The following UST variants were observed in gnomAD, a reference collection of about 807,000 sequenced individuals.
UST encodes chondroitin sulfate 2-O-sulfotransferase.
In UST, 21 loss-of-function variants were observed where a neutral mutation model predicts 45.6. The observed-to-expected ratio is 0.46, with a 90% confidence interval of 0.33 to 0.66. The LOEUF (loss-of-function observed/expected upper bound fraction) is 0.66, where lower values mean the gene tolerates loss of function less well. UST is among the 30% of genes least tolerant of loss of function. The pLI is 0.02. For synonymous variants in UST, 215 were observed against 200.6 expected (o/e 1.07, Z -0.61); for missense variants, 463 against 512.4 (o/e 0.90, Z 0.93).
At chr6:149,011,550 A>G (rs1308702025) in intron 5 of UST, among the ~76,000 whole-genome samples, 1 of 152,206 alleles carries the variant, frequency 6.6e-6, no homozygotes, top group Non-Finnish European at 1.5e-5. Flanking sequence ...GACAATTCCA[A>G]AGACATTTCT....
chr6:149,072,185 A>G (rs971968809), intron 7 of UST, among the ~76,000 whole-genome samples: 4 of 152,230 alleles, frequency 2.6e-5, no homozygotes, highest in African/African-American at 7.2e-5. Flanking sequence ...TGACCCAGCA[A>G]TTCTGCTCCT....
chr6:148,757,516 A>G (rs1423816328), intron 1 of UST, among the ~76,000 whole-genome samples: 2 of 152,246 alleles, frequency 1.3e-5, no homozygotes, highest in Non-Finnish European at 2.9e-5. Context: ...AGTTTAACCT[A>G]GAACTGCAAC....
At chr6:148,826,321 C>T (rs925796901) in intron 1 of UST, among the ~76,000 whole-genome samples, 2 of 152,166 alleles carry the variant, frequency 1.3e-5, no homozygotes, top group African/African-American at 4.8e-5. Flanking sequence ...CCATGTTGGC[C>T]AGGCTGGTCT....
chr6:148,871,145 TCCCTCTCTCC>T (rs778115224), intron 1 of UST, among the ~76,000 whole-genome samples: 5 of 135,106 alleles, frequency 3.7e-5, no homozygotes, highest in African/African-American at 1.1e-4. Context: ...TCTCTCTCTC[TCCCTCTCTCC>T]CTCTCTCTCT....
chr6:148,995,363 C>A (rs182747734), intron 5 of UST, among the ~76,000 whole-genome samples: 2 of 152,282 alleles, frequency 1.3e-5, no homozygotes, highest in Admixed American at 1.3e-4. Context: ...ACCTGATGCT[C>A]AAAAAGATGG....
chr6:149,029,468 T>TATATATAATGTATATATA (rs1428067579), intron 7 of UST, among the ~76,000 whole-genome samples: 2 of 143,866 alleles, frequency 1.4e-5, no homozygotes, highest in Non-Finnish European at 1.5e-5. Context: ...TTATATATTA[T>TATATATAATGTATATATA]ATATATAATG....
intron 5 of UST, among the ~76,000 whole-genome samples, chr6:148,975,306 A>G (rs933061093): frequency 9.2e-5 from 14 of 152,368 alleles, no homozygotes; most frequent in Middle Eastern, 3.4e-3. Flanking sequence ...TGATAATAGA[A>G]TATCATCTTG....
At chr6:148,760,736 C>CA (rs773945433) in intron 1 of UST, among the ~76,000 whole-genome samples, 92 of 149,278 alleles carry the variant, frequency 6.2e-4, no homozygotes, top group Middle Eastern at 6.9e-3. Flanking sequence ...CAAAACAAAA[C>CA]AAAAAAAAAC....
intron 1 of UST, among the ~76,000 whole-genome samples, chr6:148,861,197 A>G (rs1778305094): frequency 3.9e-5 from 6 of 152,260 alleles, no homozygotes; most frequent in Admixed American, 2.6e-4. Context: ...CTATTCAGGG[A>G]TTCAGCTTCT....
intron 7 of UST, among the ~76,000 whole-genome samples, chr6:149,064,592 C>A (rs1198262717): frequency 3.9e-5 from 6 of 152,102 alleles, no homozygotes; most frequent in Non-Finnish European, 8.8e-5. Context: ...TTGGGCACAC[C>A]AGTGAGGCCT....
chr6:148,854,259 G>C (rs1336045172), intron 1 of UST, among the ~76,000 whole-genome samples: 1 of 152,160 alleles, frequency 6.6e-6, no homozygotes, highest in Admixed American at 6.5e-5. Context: ...GTAGGATCTT[G>C]GAATTGGGGC....
Position 148,747,734 on chromosome 6 carries a change from GGA to G in UST, c.247+61_247+62del, listed in dbSNP as rs1775900285. On this transcript the variant is annotated intron_variant, in intron 1 of 7. Transcript: ENST00000367463. ...CCGACAGCGCAAAGTTGTGCGGCGG[GGA>G]GAGGGTCGCGGCGGGGACTTCTCGC... is the stretch of plus-strand genomic sequence containing the variant. 37 of 1,494,798 alleles carry G rather than the reference GGA, an allele frequency of 2.5e-5. No individual in the cohort carries two copies. The South Asian group carries it at 4.8e-4, about 19-fold the overall frequency. The allele number at this position is 1,494,798 out of a possible 1,614,324, so 92.6% of individuals were successfully genotyped here.
chr6:148,763,227 T>C (rs1776254115), intron 1 of UST, among the ~76,000 whole-genome samples: 1 of 152,220 alleles, frequency 6.6e-6, no homozygotes, highest in African/African-American at 2.4e-5. Context: ...CTCATTGTGG[T>C]TTTAATTTGC....
intron 7 of UST, among the ~76,000 whole-genome samples, chr6:149,027,259 A>G (rs529572764): frequency 6.6e-6 from 1 of 152,344 alleles, no homozygotes; most frequent in South Asian, 2.1e-4. Flanking sequence ...TAATCCATCA[A>G]TAAAAATATC....
In UST at chr6:148,790,784, C is replaced by T. The variant is rs576035129; in HGVS notation, c.247+43107C>T. Among the ~76,000 whole-genome samples, 1 of 152,326 alleles carries T rather than the reference C, an allele frequency of 6.6e-6. No homozygotes were observed. Among genetic ancestry groups the T allele is most frequent in the East Asian group, 1.9e-4 (1 of 5,176 alleles). Reference sequence around the variant, plus strand: ...ATACAAAGGTCTGATCCCCTTGCGTCAATCTGGGACAACTCTGATGGGCCA... The same window carrying T: ...ATACAAAGGTCTGATCCCCTTGCGTTAATCTGGGACAACTCTGATGGGCCA... On this transcript the variant is annotated intron_variant, in intron 1 of 7. Coordinates refer to ENST00000367463, the MANE Select transcript of UST (RefSeq NM_005715.3). The surrounding 1 kb of genome is among the most constrained non-coding windows in gnomAD (Gnocchi z 4.2).
chr6:148,995,831 C>T (rs1781443260), intron 5 of UST, among the ~76,000 whole-genome samples: 1 of 152,252 alleles, frequency 6.6e-6, no homozygotes, highest in Admixed American at 6.5e-5. Flanking sequence ...CCCCTGGAGA[C>T]AGGGCGTGTG....
intron 1 of UST, among the ~76,000 whole-genome samples, chr6:148,809,248 C>T (rs889862963): frequency 1.3e-5 from 2 of 151,990 alleles, no homozygotes; most frequent in African/African-American, 4.8e-5. Flanking sequence ...ACAGACTTCT[C>T]GTGTTTGGGG....
intron 1 of UST, among the ~76,000 whole-genome samples, chr6:148,796,623 C>CAAA (rs11465084): frequency 0.081 from 6,999 of 86,820 alleles, 856 homozygotes; most frequent in East Asian, 0.36. Context: ...GACTCTGTCT[C>CAAA]AAAAAAAAAA....
At chr6:148,760,819 T>C (rs1165467942) in intron 1 of UST, among the ~76,000 whole-genome samples, 1 of 152,048 alleles carries the variant, frequency 6.6e-6, no homozygotes, top group Non-Finnish European at 1.5e-5. Context: ...GAGAAAAAGA[T>C]AAACCAACTC....
Sources: allele counts gnomAD v4.1 joint callset (sites outside exome capture counted in the v4.1 genomes callset), GRCh38; gene constraint gnomAD v4.1.1; non-coding constraint Gnocchi (gnomAD v3.1); transcripts MANE v1.5; gene names NCBI Gene and HGNC (gene_info 2026-07-23, HGNC 2026-07-21).